HIVEP3: variants seen among roughly 807,000 people sequenced by gnomAD.
HIVEP3 encodes transcription factor HIVEP3.
A neutral mutation model predicts 152.8 loss-of-function variants in HIVEP3; 49 were observed. That is an observed-to-expected ratio of 0.32 (90% CI 0.26 to 0.41). The LOEUF (loss-of-function observed/expected upper bound fraction) is 0.41. Ranked by LOEUF, HIVEP3 falls within the 10% of genes least tolerant of loss-of-function variation. HIVEP3 has a pLI of 1.00. For synonymous variants in HIVEP3, 1,269 were observed against 1,289.0 expected (o/e 0.98, Z 0.33); for missense variants, 2,790 against 3,103.3 (o/e 0.90, Z 2.40).
At chr1:41,745,270 A>G (rs939206219) in intron 1 of HIVEP3, among the ~76,000 whole-genome samples, 3 of 152,178 alleles carry the variant, frequency 2.0e-5, no homozygotes, top group Admixed American at 2.0e-4. Flanking sequence ...CACAGATCAC[A>G]TGGTGAAAAA....
intron 2 of HIVEP3, among the ~76,000 whole-genome samples, chr1:41,650,026 C>G (rs377505174): frequency 2.6e-5 from 4 of 151,966 alleles, no homozygotes; most frequent in African/African-American, 9.7e-5. Context: ...GGAAAAGAAA[C>G]AAACCGGCAA....
intron 2 of HIVEP3, among the ~76,000 whole-genome samples, chr1:41,637,532 C>T (rs1225474517): frequency 9.9e-5 from 15 of 152,184 alleles, no homozygotes; most frequent in Admixed American, 9.8e-4. Context: ...TAAGGCCTGA[C>T]CAAGCGGTGA....
intron 1 of HIVEP3, among the ~76,000 whole-genome samples, chr1:41,852,792 T>TAACCTTAATGAC (rs1297356066): frequency 6.6e-6 from 1 of 152,232 alleles, no homozygotes; most frequent in Non-Finnish European, 1.5e-5. Flanking sequence ...CCTTAAGTGA[T>TAACCTTAATGAC]AACCTTAATG....
At chr1:41,955,717 C>T (rs930103432) in intron 1 of HIVEP3, among the ~76,000 whole-genome samples, 2 of 152,142 alleles carry the variant, frequency 1.3e-5, no homozygotes, top group African/African-American at 4.8e-5. Flanking sequence ...TAATAATGAA[C>T]GTGTGACTCA....
chr1:41,842,638 A>C (rs1441960681), intron 1 of HIVEP3, among the ~76,000 whole-genome samples: 1 of 152,208 alleles, frequency 6.6e-6, no homozygotes, highest in Non-Finnish European at 1.5e-5. Flanking sequence ...AGAATCCTGA[A>C]GAAGGAGCCC....
chr1:41,524,622 G>T, intron 6 of HIVEP3, 113 bp downstream of exon 6: 1 of 982,476 alleles, frequency 1.0e-6, no homozygotes. Context: ...AGGAAATGGG[G>T]CTGCTCCAGG....
At chr1:41,980,358 T>C (rs2124509586) in intron 1 of HIVEP3, among the ~76,000 whole-genome samples, 1 of 152,328 alleles carries the variant, frequency 6.6e-6, no homozygotes, top group South Asian at 2.1e-4. Context: ...ATTCATCCAA[T>C]AGAATACAGT....
At chr1:41,855,334 A>C (rs1643732154) in intron 1 of HIVEP3, among the ~76,000 whole-genome samples, 1 of 152,172 alleles carries the variant, frequency 6.6e-6, no homozygotes, top group African/African-American at 2.4e-5. Context: ...TGGCAACAAA[A>C]GACAAAATTG....
At chr1:41,743,114 G>A (rs948927567) in intron 1 of HIVEP3, among the ~76,000 whole-genome samples, 2 of 139,794 alleles carry the variant, frequency 1.4e-5, no homozygotes, top group Admixed American at 1.4e-4. Context: ...AGGCTGCGGT[G>A]GGGTATGGGG....
intron 1 of HIVEP3, among the ~76,000 whole-genome samples, chr1:41,845,419 GCACACA>G (rs3032007): frequency 0.38 from 51,096 of 135,904 alleles, 9,151 homozygotes; most frequent in African/African-American, 0.43. Context: ...ACACACACAC[GCACACA>G]CACACACACA....
At chr1:41,722,391 T>C (rs1376808444) in intron 1 of HIVEP3, among the ~76,000 whole-genome samples, 2 of 148,534 alleles carry the variant, frequency 1.3e-5, no homozygotes, top group Non-Finnish European at 3.0e-5. Flanking sequence ...ATCAGCAAAA[T>C]AAATTTGGCT....
chr1:41,959,396 A>T (rs894755797), intron 1 of HIVEP3, among the ~76,000 whole-genome samples: 2 of 152,244 alleles, frequency 1.3e-5, no homozygotes, highest in South Asian at 4.1e-4. Context: ...TATAGCTGAG[A>T]GTCTGATCCT....
chr1:41,912,023 C>G (rs2124465799), intron 1 of HIVEP3, among the ~76,000 whole-genome samples: 2 of 152,238 alleles, frequency 1.3e-5, no homozygotes, highest in South Asian at 4.2e-4. Flanking sequence ...GCATTAAGAA[C>G]AAAAGAATAA....
intron 1 of HIVEP3, among the ~76,000 whole-genome samples, chr1:41,932,427 T>C (rs1289898951): frequency 1.3e-5 from 2 of 151,954 alleles, no homozygotes; most frequent in Middle Eastern, 3.2e-3. Context: ...CTTCGAGGAA[T>C]TGATTCATTT....
intron 3 of HIVEP3, among the ~76,000 whole-genome samples, chr1:41,603,254 G>A (rs1054559525): frequency 3.3e-5 from 5 of 151,900 alleles, no homozygotes; most frequent in African/African-American, 9.7e-5. Flanking sequence ...CTTTAGTAGC[G>A]ATGTGGTTTC....
chr1:41,708,697 C>G (rs1422596241), intron 1 of HIVEP3, among the ~76,000 whole-genome samples: 1 of 152,216 alleles, frequency 6.6e-6, no homozygotes, highest in Non-Finnish European at 1.5e-5. Flanking sequence ...GCTTCTGTTG[C>G]TTACACTGAA....
rs1319168787 is a variant in HIVEP3 at position 41,511,560 on chromosome 1, C to T, written c.6406-294G>A. ...TTCAAAGGAGGGGATACTTGAGCGA[C>T]GTGGGGCCCTGTTGTCACCCATGAG... On this transcript the variant is annotated intron_variant, in intron 8 of 8. Transcript: ENST00000372583. The surrounding 1 kb of genome is among the most constrained non-coding windows in gnomAD (Gnocchi z 4.9). Among the ~76,000 whole-genome samples, 3 of 152,280 alleles carry T rather than the reference C, an allele frequency of 2.0e-5. No homozygotes were observed. The highest frequency in any genetic ancestry group is 3.9e-4 in the East Asian group (2 of 5,174).
intron 1 of HIVEP3, among the ~76,000 whole-genome samples, chr1:42,003,107 G>A (rs934847972): frequency 6.6e-6 from 1 of 151,372 alleles, no homozygotes; most frequent in African/African-American, 2.4e-5. Context: ...ATGAAGTCTT[G>A]CTCTGTTGCC....
At position 41,509,974 on chromosome 1, in the gene HIVEP3, A is replaced by AG. The variant is rs1263543663; in HGVS notation, c.*476dup. 1 of 152,366 alleles carries AG rather than the reference A, an allele frequency of 6.6e-6. No homozygotes were observed. Among genetic ancestry groups the AG allele is most frequent in the Non-Finnish European group, 1.5e-5 (1 of 68,208 alleles). The allele number at this position is 152,366 out of a possible 1,614,324, so 9.4% of individuals were successfully genotyped here. On this transcript the variant is annotated 3_prime_UTR_variant, in exon 9 of 9. Transcript: ENST00000372583. ...AGAGAGGGGTGGCTACGAGCTGGGC[A>AG]GGGGGGTGAAGTGGCAATAAACAGG...
Sources: allele counts gnomAD v4.1 joint callset (sites outside exome capture counted in the v4.1 genomes callset), GRCh38; gene constraint gnomAD v4.1.1; non-coding constraint Gnocchi (gnomAD v3.1); transcripts MANE v1.5; gene names NCBI Gene and HGNC (gene_info 2026-07-23, HGNC 2026-07-21).